The following WDR70 variants were observed in gnomAD, a reference collection of about 807,000 sequenced individuals.
WDR70 encodes WD repeat domain 70.
WDR70 carries 53 observed loss-of-function variants against 88.6 expected under a neutral mutation model. The ratio of observed to expected loss-of-function variants is 0.60; its 90% CI spans 0.48 to 0.75. The LOEUF (loss-of-function observed/expected upper bound fraction) is 0.75. WDR70 is among the 30% of genes least tolerant of loss of function. The pLI is 0.00. For synonymous variants in WDR70, 280 were observed against 270.0 expected (o/e 1.04, Z -0.36); for missense variants, 610 against 823.2 (o/e 0.74, Z 3.17).
intron 9 of WDR70, among the ~76,000 whole-genome samples, chr5:37,556,311 T>TA (rs1742294085): frequency 6.6e-6 from 1 of 152,208 alleles, no homozygotes; most frequent in Admixed American, 6.5e-5. Flanking sequence ...ATCTAGTTTT[T>TA]ATCTTCTAAT....
chr5:37,594,347 C>T (rs1401698084), intron 9 of WDR70, among the ~76,000 whole-genome samples: 1 of 152,168 alleles, frequency 6.6e-6, no homozygotes, highest in African/African-American at 2.4e-5. Flanking sequence ...GATCCAGTTT[C>T]AGCTTTCTAC....
chr5:37,413,982 C>T (rs1435926414), intron 5 of WDR70, among the ~76,000 whole-genome samples: 5 of 151,362 alleles, frequency 3.3e-5, no homozygotes, highest in Admixed American at 2.6e-4. Flanking sequence ...CCTGTCTCTA[C>T]TAAAAATACA....
At chr5:37,480,035 A>T (rs373787202) in intron 8 of WDR70, 48 bp downstream of exon 8, 10 of 1,563,978 alleles carry the variant, frequency 6.4e-6, no homozygotes, top group Non-Finnish European at 7.8e-6. Context: ...GCACACATTT[A>T]TTAACAACTA....
At chr5:37,633,003 T>G (rs1037830382) in intron 10 of WDR70, among the ~76,000 whole-genome samples, 1 of 152,020 alleles carries the variant, frequency 6.6e-6, no homozygotes, top group African/African-American at 2.4e-5. Flanking sequence ...ATATTGACCA[T>G]GGTGTTACAG....
At chr5:37,702,157 G>A (rs1747182344) in intron 12 of WDR70, among the ~76,000 whole-genome samples, 1 of 152,200 alleles carries the variant, frequency 6.6e-6, no homozygotes. Context: ...GTATGATAAT[G>A]CAGTACTAAC....
chr5:37,671,644 T>C (rs12521063), intron 10 of WDR70, among the ~76,000 whole-genome samples: 37,490 of 152,092 alleles, frequency 0.25, 5,034 homozygotes, highest in East Asian at 0.35. Flanking sequence ...ACTGTTTCTA[T>C]TTCTTATGAG....
At chr5:37,722,646 A>G (rs1211909207) in intron 14 of WDR70, 1 of 561,612 alleles carries the variant, frequency 1.8e-6, no homozygotes, top group East Asian at 2.9e-5. Context: ...CTTGCTTGTT[A>G]ATAACCACTG....
intron 10 of WDR70, among the ~76,000 whole-genome samples, chr5:37,610,187 A>T (rs896048979): frequency 5.3e-5 from 8 of 151,152 alleles, no homozygotes; most frequent in African/African-American, 1.9e-4. Context: ...AATTGCTTGA[A>T]TCTGGGAGGC....
chr5:37,399,139 A>G (rs1400842249), intron 5 of WDR70, among the ~76,000 whole-genome samples: 1 of 152,176 alleles, frequency 6.6e-6, no homozygotes, highest in African/African-American at 2.4e-5. Context: ...TTAGCCGGGC[A>G]TGGTGGTGGG....
chr5:37,741,236 C>CT (rs5867363), intron 17 of WDR70, among the ~76,000 whole-genome samples: 8 of 138,466 alleles, frequency 5.8e-5, no homozygotes, highest in African/African-American at 2.2e-4. Flanking sequence ...GAGCCTAGTT[C>CT]TTTTTTTTTT....
chr5:37,744,623 A>G (rs1748587747), intron 17 of WDR70, among the ~76,000 whole-genome samples: 2 of 151,946 alleles, frequency 1.3e-5, no homozygotes. Flanking sequence ...ACAGCACAAG[A>G]ACTTTGTGAA....
chr5:37,402,892 ATCCTTCCTTCCT>A (rs201512739), intron 5 of WDR70, among the ~76,000 whole-genome samples: 24 of 137,344 alleles, frequency 1.7e-4, no homozygotes, highest in Admixed American at 5.1e-4. Flanking sequence ...TGTAAAATCC[ATCCTTCCTTCCT>A]TCCTTCCTTC....
intron 9 of WDR70, among the ~76,000 whole-genome samples, chr5:37,563,917 C>T (rs1484009569): frequency 5.7e-5 from 8 of 140,794 alleles, no homozygotes; most frequent in Non-Finnish European, 9.6e-5. Context: ...ACGCTCCTCA[C>T]ATCCCAGACG....
At chr5:37,623,372 A>C (rs141666115) in intron 10 of WDR70, among the ~76,000 whole-genome samples, 70 of 152,260 alleles carry the variant, frequency 4.6e-4, no homozygotes, top group African/African-American at 1.6e-3. Context: ...CCTCAAACAT[A>C]TAAAATCCAT....
chr5:37,559,141 C>G (rs1452354848), intron 9 of WDR70, among the ~76,000 whole-genome samples: 1 of 151,934 alleles, frequency 6.6e-6, no homozygotes, highest in East Asian at 1.9e-4. Context: ...ATTGTGTTGG[C>G]CAGGCTGGTC....
intron 7 of WDR70, among the ~76,000 whole-genome samples, chr5:37,474,584 G>A (rs994068699): frequency 5.9e-5 from 9 of 152,014 alleles, no homozygotes; most frequent in African/African-American, 2.2e-4. Context: ...TTTATTTTAA[G>A]TTCCAGGGCT....
intron 7 of WDR70, among the ~76,000 whole-genome samples, chr5:37,444,336 C>CT (rs70978817): frequency 0.02 from 1,872 of 94,160 alleles, 150 homozygotes; most frequent in African/African-American, 0.067. Flanking sequence ...CAGCCTTTCT[C>CT]TTTTTTTTTT....
intron 10 of WDR70, among the ~76,000 whole-genome samples, chr5:37,645,493 G>C (rs1745208112): frequency 6.6e-6 from 1 of 152,024 alleles, no homozygotes; most frequent in African/African-American, 2.4e-5. Flanking sequence ...AGGTCCTTTT[G>C]GTCTATAGTG....
chr5:37,611,389 C>T (rs1460386065), intron 10 of WDR70, among the ~76,000 whole-genome samples: 1 of 151,726 alleles, frequency 6.6e-6, no homozygotes, highest in Admixed American at 6.6e-5. Context: ...TGGAGGTTCC[C>T]TATGTATGTG....
Sources: allele counts gnomAD v4.1 joint callset (sites outside exome capture counted in the v4.1 genomes callset), GRCh38; gene constraint gnomAD v4.1.1; transcripts MANE v1.5; gene names NCBI Gene and HGNC (gene_info 2026-07-23, HGNC 2026-07-21).